GUCY1A2: variants seen among roughly 807,000 people sequenced by gnomAD.
GUCY1A2 encodes guanylate cyclase 1 soluble subunit alpha 2, also known as guanylate cyclase soluble subunit alpha-2.
GUCY1A2 carries 27 observed loss-of-function variants against 63.5 expected under a neutral mutation model. The observed-to-expected ratio is 0.43, with a 90% confidence interval of 0.31 to 0.59. GUCY1A2 has a LOEUF of 0.59. Ranked by LOEUF, GUCY1A2 falls within the 20% of genes least tolerant of loss-of-function variation. The pLI is 0.11. For synonymous variants in GUCY1A2, 364 were observed against 343.5 expected (o/e 1.06, Z -0.66); for missense variants, 768 against 913.3 (o/e 0.84, Z 2.05).
intron 3 of GUCY1A2, among the ~76,000 whole-genome samples, chr11:106,975,686 T>C (rs1165737568): frequency 6.6e-6 from 1 of 152,142 alleles, no homozygotes; most frequent in Non-Finnish European, 1.5e-5. Flanking sequence ...AACAACCAGT[T>C]TCTAAACCAA....
chr11:106,959,489 A>G (rs1861032803), intron 3 of GUCY1A2, among the ~76,000 whole-genome samples: 2 of 152,188 alleles, frequency 1.3e-5, no homozygotes, highest in Admixed American at 6.5e-5. Context: ...TCTTTTTTGT[A>G]TAATCTGTCA....
intron 4 of GUCY1A2, among the ~76,000 whole-genome samples, chr11:106,939,152 G>A (rs1468566003): frequency 1.3e-5 from 2 of 152,120 alleles, no homozygotes; most frequent in Admixed American, 6.6e-5. Context: ...TACATTCAGT[G>A]GAAATATTCA....
At chr11:106,805,248 AT>A (rs11424210) in intron 5 of GUCY1A2, among the ~76,000 whole-genome samples, 77,539 of 142,858 alleles carry the variant, frequency 0.54, 20,910 homozygotes, top group Admixed American at 0.63. Context: ...TATCACTAAC[AT>A]TTTTTTTTTT....
intron 4 of GUCY1A2, among the ~76,000 whole-genome samples, chr11:106,911,309 G>A (rs1860290611): frequency 6.6e-6 from 1 of 151,962 alleles, no homozygotes; most frequent in South Asian, 2.1e-4. Context: ...TGATGATCCA[G>A]GAACACGGAA....
At chr11:106,944,064 A>G (rs1257334852) in intron 3 of GUCY1A2, among the ~76,000 whole-genome samples, 1 of 151,068 alleles carries the variant, frequency 6.6e-6, no homozygotes, top group Non-Finnish European at 1.5e-5. Flanking sequence ...AAAAATTAGC[A>G]GGGCATGGTG....
At chr11:106,781,112 C>CAAAAAAAAAA (rs565279937) in intron 5 of GUCY1A2, among the ~76,000 whole-genome samples, 86 of 88,964 alleles carry the variant, frequency 9.7e-4, no homozygotes, top group African/African-American at 1.4e-3. Flanking sequence ...AAACAGACTA[C>CAAAAAAAAAA]AAAAAAAAAA....
At chr11:107,017,714 C>G in intron 1 of GUCY1A2, 39 bp downstream of exon 1, 1 of 1,227,964 alleles carries the variant, frequency 8.1e-7, no homozygotes, top group Non-Finnish European at 1.1e-6. Context: ...TCCGCGTTCT[C>G]TCCCCCGAAG....
intron 6 of GUCY1A2, among the ~76,000 whole-genome samples, chr11:106,716,755 C>T (rs1315857798): frequency 8.2e-6 from 1 of 121,560 alleles, no homozygotes; most frequent in African/African-American, 3.5e-5. Flanking sequence ...GGCGACAGAG[C>T]CAGACTCCGT....
chr11:106,839,630 C>G (rs543917204), intron 4 of GUCY1A2, among the ~76,000 whole-genome samples: 10 of 151,932 alleles, frequency 6.6e-5, no homozygotes, highest in East Asian at 5.8e-4. Context: ...CAATGATAGA[C>G]TGGATTAAGA....
intron 2 of GUCY1A2, among the ~76,000 whole-genome samples, chr11:106,982,020 T>C (rs556190370): frequency 6.6e-6 from 1 of 152,322 alleles, no homozygotes; most frequent in East Asian, 1.9e-4. Context: ...TATGTGATTA[T>C]ATGACTTCAT....
At chr11:106,718,207 C>G (rs1863250598) in intron 6 of GUCY1A2, among the ~76,000 whole-genome samples, 1 of 152,054 alleles carries the variant, frequency 6.6e-6, no homozygotes, top group South Asian at 2.1e-4. Flanking sequence ...AAGTATTTGA[C>G]CAAATAATTA....
At chr11:106,895,499 C>T (rs900498423) in intron 4 of GUCY1A2, among the ~76,000 whole-genome samples, 7 of 152,040 alleles carry the variant, frequency 4.6e-5, no homozygotes, top group Non-Finnish European at 8.8e-5. Flanking sequence ...TTTTCCATGC[C>T]GTTCTCATGA....
At chr11:106,941,478 T>C (rs907090854) in intron 3 of GUCY1A2, among the ~76,000 whole-genome samples, 2 of 152,182 alleles carry the variant, frequency 1.3e-5, no homozygotes, top group African/African-American at 2.4e-5. Context: ...TCCTTTGACA[T>C]TGGTTGAAAT....
intron 1 of GUCY1A2, 80 bp from the exon 2 acceptor site, chr11:106,986,211 G>A (rs529535392): frequency 2.9e-4 from 212 of 738,440 alleles, no homozygotes; most frequent in Non-Finnish European, 4.4e-4. Flanking sequence ...AGGCAGACAG[G>A]TGAAGCTTCT....
intron 3 of GUCY1A2, among the ~76,000 whole-genome samples, chr11:106,963,008 A>G (rs1861079948): frequency 6.6e-6 from 1 of 152,162 alleles, no homozygotes; most frequent in Admixed American, 6.5e-5. Flanking sequence ...TTCAGTAAAC[A>G]CTAAACACCA....
rs934914858 is a variant in GUCY1A2 at position 106,771,850 on chromosome 11, A to C, written c.1836+4589T>G. On this transcript the variant is annotated intron_variant, in intron 6 of 7. Transcript: ENST00000526355. ...TCCATATTTTCAGCCAGCAGAAGAA[A>C]TATCATATTGATCCAGGGTGAAAAA... Among the ~76,000 whole-genome samples, 5 of 152,208 alleles carry C rather than the reference A, an allele frequency of 3.3e-5. No individual in the cohort carries two copies. The East Asian group carries it at 7.7e-4, about 23-fold the overall frequency.
rs576915770 is a variant in GUCY1A2, at chr11:106,985,107, T to C, written c.365+963A>G. On this transcript the variant is annotated intron_variant, in intron 2 of 7. Transcript: ENST00000526355. Reference sequence around the variant, plus strand: ...CACTATACCGTAATAATCAAAATTATGTTATTGATCCCTATGGCAATGGCT... The same window carrying C: ...CACTATACCGTAATAATCAAAATTACGTTATTGATCCCTATGGCAATGGCT... Among the ~76,000 whole-genome samples the C allele has an allele frequency of 3.9e-5, 6 of 152,352 alleles. No homozygotes were observed. The East Asian group carries it at 7.7e-4, about 20-fold the overall frequency.
intron 1 of GUCY1A2, among the ~76,000 whole-genome samples, chr11:106,998,225 T>A (rs1470061685): frequency 6.6e-6 from 1 of 152,194 alleles, no homozygotes; most frequent in Non-Finnish European, 1.5e-5. Flanking sequence ...TATGTAGTAT[T>A]TCTGGCCATC....
In GUCY1A2 at chr11:106,930,597, G is replaced by A. The variant is rs536293519; in HGVS notation, c.1206+8863C>T. Among the ~76,000 whole-genome samples the A allele has an allele frequency of 2.7e-3, 405 of 152,258 alleles. 1 individual carries two copies. Among genetic ancestry groups the A allele is most frequent in the Non-Finnish European group, 4.7e-3 (322 of 68,020 alleles). ...CATAAAACCCAATTGCAAAAAGAAA[G>A]ATGCTGTAGCTTAAGTCATGATTCA... On this transcript the variant is annotated intron_variant, in intron 4 of 7. Coordinates refer to ENST00000526355, the MANE Select transcript of GUCY1A2 (RefSeq NM_000855.3).
Sources: allele counts gnomAD v4.1 joint callset (sites outside exome capture counted in the v4.1 genomes callset), GRCh38; gene constraint gnomAD v4.1.1; transcripts MANE v1.5; gene names NCBI Gene and HGNC (gene_info 2026-07-23, HGNC 2026-07-21).